The following ADAM17 variants were observed in gnomAD, a reference collection of about 807,000 sequenced individuals.
ADAM17 encodes the protein ADAM metallopeptidase domain 17.
Under a neutral mutation model 96.7 loss-of-function variants are expected in ADAM17, and 39 were observed. The observed-to-expected ratio is 0.40, with a 90% CI of 0.31 to 0.53. The LOEUF (loss-of-function observed/expected upper bound fraction) is 0.53. ADAM17 is among the 20% of genes least tolerant of loss of function. The pLI is 0.44. For missense variants in ADAM17, 777 were observed against 1,013.2 expected, an observed-to-expected ratio of 0.77 and a Z score of 3.17; for synonymous variants, 344 against 359.2, an observed-to-expected ratio of 0.96 and a Z score of 0.48.
chr2:9,513,863 T>C (rs556356489), intron 10 of ADAM17, among the ~76,000 whole-genome samples: 3 of 151,968 alleles, frequency 2.0e-5, no homozygotes, highest in Admixed American at 6.6e-5. Context: ...AATACAAAAT[T>C]AGCTGGTCGT....
chr2:9,493,856 T>C, intron 15 of ADAM17, 31 bp from the exon 16 acceptor site: 1 of 1,559,566 alleles, frequency 6.4e-7, no homozygotes, highest in Non-Finnish European at 8.8e-7. Flanking sequence ...TACAGCATCA[T>C]TCCCAAACAC....
intron 8 of ADAM17, 125 bp from the exon 9 acceptor site, chr2:9,518,372 A>G: frequency 8.4e-7 from 1 of 1,192,172 alleles, no homozygotes; most frequent in Non-Finnish European, 1.1e-6. Context: ...CATGCAGCTC[A>G]GCACCAGCAA....
At chr2:9,533,995 G>A (rs577944525) in intron 4 of ADAM17, among the ~76,000 whole-genome samples, 3 of 152,318 alleles carry the variant, frequency 2.0e-5, no homozygotes, top group South Asian at 4.1e-4. Context: ...CTATCATCCA[G>A]ACTATTCCAA....
chr2:9,492,500 C>A (rs1459610485), intron 17 of ADAM17, among the ~76,000 whole-genome samples: 1 of 152,058 alleles, frequency 6.6e-6, no homozygotes, highest in Non-Finnish European at 1.5e-5. Flanking sequence ...CATCTGCTGC[C>A]AATAATCTAC....
intron 4 of ADAM17, among the ~76,000 whole-genome samples, chr2:9,530,289 T>C (rs989991964): frequency 8.5e-5 from 13 of 152,176 alleles, no homozygotes; most frequent in African/African-American, 3.1e-4. Flanking sequence ...TGTTTCCTAG[T>C]ATAGTCAGTC....
At chr2:9,493,240 T>A (rs1662305016) in intron 16 of ADAM17, among the ~76,000 whole-genome samples, 1 of 152,240 alleles carries the variant, frequency 6.6e-6, no homozygotes, top group South Asian at 2.1e-4. Context: ...GGAGTAGCTG[T>A]GTCAACAGAT....
chr2:9,520,293 AAAGT>A (rs1199170003), intron 8 of ADAM17, among the ~76,000 whole-genome samples: 1 of 152,226 alleles, frequency 6.6e-6, no homozygotes, highest in East Asian at 1.9e-4. Flanking sequence ...ATTCTACACC[AAAGT>A]AATAGCACAC....
Position 9,496,974 on chromosome 2 carries a change from C to T in ADAM17, c.1783+140G>A, listed in dbSNP as rs1465790442. 4.6e-6 allele frequency: 6 copies of T among 1,302,074 alleles called. No homozygotes were observed. The African/African-American group carries it at 8.9e-5, about 19-fold the overall frequency. 80.7% of individuals were successfully genotyped at this position (1,302,074 alleles called of 1,614,324 possible). On this transcript the variant is annotated intron_variant, in intron 14 of 18. Coordinates refer to ENST00000310823, the MANE Select transcript of ADAM17 (RefSeq NM_003183.6). ...AGAGATGCCTGTCTCCAGACACCAC[C>T]CTGCCCTTCCCCATCCCCTCATCCT...
intron 12 of ADAM17, among the ~76,000 whole-genome samples, chr2:9,504,036 G>A (rs961957588): frequency 1.3e-5 from 2 of 151,566 alleles, no homozygotes; most frequent in African/African-American, 2.4e-5. Flanking sequence ...CTGTAGTCCT[G>A]TCTATCCGGG....
chr2:9,538,263 C>G (rs1665071010), intron 2 of ADAM17, among the ~76,000 whole-genome samples: 2 of 152,108 alleles, frequency 1.3e-5, no homozygotes, highest in South Asian at 2.1e-4. Flanking sequence ...ATTTTGTCAG[C>G]TGTTGTACTG....
intron 4 of ADAM17, among the ~76,000 whole-genome samples, chr2:9,532,973 G>A (rs1438816566): frequency 2.6e-5 from 4 of 152,030 alleles, no homozygotes; most frequent in East Asian, 1.9e-4. Context: ...GGCAGATCAC[G>A]AGGTCAGGAG....
intron 10 of ADAM17, among the ~76,000 whole-genome samples, chr2:9,511,318 C>T (rs895129726): frequency 2.0e-5 from 3 of 151,992 alleles, no homozygotes; most frequent in South Asian, 2.1e-4. Flanking sequence ...GGTGTGGTGG[C>T]GCACGCCTGT....
chr2:9,502,023 G>T lies in ADAM17; in HGVS notation c.1648+150C>A, dbSNP rs139084866. On this transcript the variant is annotated intron_variant, in intron 13 of 18. Transcript: ENST00000310823. ...CAGGTCTTAAACCCACCAAAGCCAA[G>T]TGTCACAAACTAAGGAGTGCCAGAA... The T allele has an allele frequency of 1.0e-3, 703 of 680,660 alleles. 4 individuals are homozygous for T. In the African/African-American group the frequency reaches 0.011, roughly 11 times the overall value. The allele number at this position is 680,660 out of a possible 1,614,324, so 42.2% of individuals were successfully genotyped here. A position where few individuals can be genotyped will look rare whatever the true frequency, so the allele number is the denominator to read the frequency against.
chr2:9,534,049 A>G (rs952269140), intron 4 of ADAM17, among the ~76,000 whole-genome samples: 2 of 152,204 alleles, frequency 1.3e-5, no homozygotes, highest in East Asian at 1.9e-4. Flanking sequence ...TGTTCACTAC[A>G]ATACCTTTTA....
chr2:9,549,286 G>T (rs545519619), intron 1 of ADAM17, among the ~76,000 whole-genome samples: 30 of 152,102 alleles, frequency 2.0e-4, no homozygotes, highest in Admixed American at 1.6e-3. Context: ...CAGGAGAATC[G>T]CTTGAACCCG....
intron 4 of ADAM17, among the ~76,000 whole-genome samples, chr2:9,534,195 C>T (rs1166210182): frequency 1.3e-5 from 2 of 152,110 alleles, no homozygotes; most frequent in Non-Finnish European, 2.9e-5. Flanking sequence ...ATGGTGAAAC[C>T]CCGTCTCTAC....
chr2:9,527,656 C>T, intron 5 of ADAM17, 130 bp downstream of exon 5: 2 of 595,506 alleles, frequency 3.4e-6, no homozygotes. Context: ...TGGAACAAAC[C>T]TCTTATTTTC....
intron 16 of ADAM17, 86 bp downstream of exon 16, chr2:9,493,661 A>G: frequency 8.6e-7 from 1 of 1,166,884 alleles, no homozygotes; most frequent in East Asian, 2.4e-5. Context: ...GCAGAATTAA[A>G]GCACATCACT....
At chr2:9,497,619 C>A (rs1662709423) in intron 13 of ADAM17, among the ~76,000 whole-genome samples, 1 of 152,240 alleles carries the variant, frequency 6.6e-6, no homozygotes, top group Non-Finnish European at 1.5e-5. Context: ...GCCCTGACTT[C>A]ATCGCACACA....
Sources: gnomAD v4.1 joint callset for allele counts (sites outside exome capture counted in the v4.1 genomes callset) on GRCh38, gnomAD v4.1.1 for gene constraint, MANE v1.5 for transcripts, NCBI Gene and HGNC (gene_info 2026-07-23, HGNC 2026-07-21) for gene names.